SLC35D1: variants seen among roughly 807,000 people sequenced by gnomAD.
SLC35D1 encodes the protein nucleotide sugar transporter SLC35D1.
Under a neutral mutation model 46.7 loss-of-function variants are expected in SLC35D1, and 31 were observed. The observed-to-expected ratio is 0.66, with a 90% CI of 0.50 to 0.90. SLC35D1 has a LOEUF of 0.90. SLC35D1 is among the 40% of genes least tolerant of loss of function. The pLI is 0.00. For synonymous variants in SLC35D1, 195 were observed against 164.6 expected, an observed-to-expected ratio of 1.18 and a Z score of -1.41; for missense variants, 397 against 426.2, an observed-to-expected ratio of 0.93 and a Z score of 0.60.
At chr1:66,994,921 G>GAA (rs61387414), downstream of SLC35D1, among the ~76,000 whole-genome samples, 132 of 96,514 alleles carry the variant, frequency 1.4e-3, 2 homozygotes, top group East Asian at 0.034. Flanking sequence ...GGCAAAAAAA[G>GAA]AAAAAAAAAA....
At chr1:67,049,962 T>C in intron 5 of SLC35D1, 112 bp from the exon 6 acceptor site, 1 of 806,402 alleles carries the variant, frequency 1.2e-6, no homozygotes, top group South Asian at 1.6e-5. Context: ...AATCGTATTT[T>C]AAACATTTCT....
At chr1:67,005,237 G>A (rs1667422831) in intron 11 of SLC35D1, among the ~76,000 whole-genome samples, 1 of 152,144 alleles carries the variant, frequency 6.6e-6, no homozygotes, top group African/African-American at 2.4e-5. Flanking sequence ...CAGCCAGCTG[G>A]ATGCCTGACC....
At chr1:66,991,804 T>TA in the SLC35D1 span, among the ~76,000 whole-genome samples, 11 of 143,618 alleles carry the variant, frequency 7.7e-5, no homozygotes, top group African/African-American at 2.9e-4. Context: ...CTTTTTTTTT[T>TA]ATATCATACC....
At chr1:66,991,943 C>G in the SLC35D1 span, among the ~76,000 whole-genome samples, 1 of 152,072 alleles carries the variant, frequency 6.6e-6, no homozygotes, top group Non-Finnish European at 1.5e-5. Context: ...AAGGATGATA[C>G]CAATGTGCCA....
At chr1:66,974,386 G>A in the SLC35D1 span, among the ~76,000 whole-genome samples, 1 of 151,496 alleles carries the variant, frequency 6.6e-6, no homozygotes, top group African/African-American at 2.4e-5. Context: ...AAAAAAGTTC[G>A]TTGTTTCATG....
chr1:67,006,453 T>C (rs888573259), intron 11 of SLC35D1, among the ~76,000 whole-genome samples: 25 of 149,188 alleles, frequency 1.7e-4, no homozygotes, highest in African/African-American at 6.0e-4. Context: ...CTACCTCTCC[T>C]TTCTTTCATC....
chr1:67,053,192 G>C (rs1402273267), intron 1 of SLC35D1, among the ~76,000 whole-genome samples: 1 of 152,014 alleles, frequency 6.6e-6, no homozygotes, highest in Non-Finnish European at 1.5e-5. Flanking sequence ...TCGGGCGGCC[G>C]CTTGTCCCAT....
At chr1:66,973,025 A>G in the SLC35D1 span, 1 of 1,160,634 alleles carries the variant, frequency 8.6e-7, no homozygotes, top group Non-Finnish European at 1.3e-6. Context: ...TGCAAAAAGA[A>G]ATTTAGTTGA....
At chr1:67,051,373 C>CAT in intron 4 of SLC35D1, among the ~76,000 whole-genome samples, 1 of 152,136 alleles carries the variant, frequency 6.6e-6, no homozygotes, top group Non-Finnish European at 1.5e-5. Flanking sequence ...CTATTTGTGT[C>CAT]ATTTTAATAC....
chr1:66,989,463 A>AAAC, the SLC35D1 span, among the ~76,000 whole-genome samples: 1 of 152,196 alleles, frequency 6.6e-6, no homozygotes, highest in African/African-American at 2.4e-5. Flanking sequence ...AGGAATATAT[A>AAAC]AACTTCTAAA....
At chr1:66,992,277 A>C in the SLC35D1 span, among the ~76,000 whole-genome samples, 1 of 152,216 alleles carries the variant, frequency 6.6e-6, no homozygotes, top group Non-Finnish European at 1.5e-5. Flanking sequence ...GCTGGTGCTC[A>C]CTTGGCAGCT....
the SLC35D1 span, chr1:66,976,524 C>T: frequency 6.9e-7 from 1 of 1,452,804 alleles, no homozygotes; most frequent in South Asian, 1.4e-5. Flanking sequence ...TATTTTCAAA[C>T]TTCAGATGTT....
chr1:66,983,853 G>A, the SLC35D1 span, among the ~76,000 whole-genome samples: 2 of 152,126 alleles, frequency 1.3e-5, no homozygotes, highest in East Asian at 1.9e-4. Flanking sequence ...TCAGCCTTCC[G>A]AGTAGCTGGG....
Position 67,054,033 on chromosome 1 carries a change from G to A in SLC35D1, c.-20C>T, listed in dbSNP as rs1437759867. The A allele has an allele frequency of 6.2e-7, 1 of 1,603,784 alleles. No individual in the cohort carries two copies. Among genetic ancestry groups the A allele is most frequent in the Non-Finnish European group, 8.5e-7 (1 of 1,175,454 alleles). Reference sequence around the variant, plus strand: ...CGCCATGGCTGCCGCAGCAGCGGTGGCCTGGCGGCGGGGCCTAGCGGCTCG... The same window carrying A: ...CGCCATGGCTGCCGCAGCAGCGGTGACCTGGCGGCGGGGCCTAGCGGCTCG... On this transcript the variant is annotated 5_prime_UTR_variant, in exon 1 of 12. Coordinates refer to ENST00000235345, the MANE Select transcript of SLC35D1 (RefSeq NM_015139.3).
chr1:66,991,412 A>T, the SLC35D1 span, among the ~76,000 whole-genome samples: 2 of 152,216 alleles, frequency 1.3e-5, no homozygotes, highest in Non-Finnish European at 2.9e-5. Flanking sequence ...ACAGAGAGTC[A>T]CAGTCCCATT....
At chr1:66,985,957 T>C in the SLC35D1 span, 1 of 985,282 alleles carries the variant, frequency 1.0e-6, no homozygotes, top group Non-Finnish European at 1.2e-6. Context: ...GACAAAAGTT[T>C]AATGTCAGCT....
chr1:67,050,726 A>T (rs1645300577), intron 4 of SLC35D1, among the ~76,000 whole-genome samples: 1 of 152,200 alleles, frequency 6.6e-6, no homozygotes, highest in Non-Finnish European at 1.5e-5. Context: ...CATTAAATTA[A>T]CTACAAAACT....
the SLC35D1 span, chr1:66,984,894 T>C: frequency 6.3e-7 from 1 of 1,583,400 alleles, no homozygotes; most frequent in Non-Finnish European, 8.5e-7. Context: ...AAAACACAGA[T>C]GACTAAATTT....
Position 67,047,378 on chromosome 1 carries a change from T to C in SLC35D1, c.534-11A>G, listed in dbSNP as rs769247283. The stretch of plus-strand genomic sequence containing the variant: ...AATGCCAAGTCAGAGCTGCAAAACA[T>C]AAGCAACACTTTAAGAACAACTTAA... On this transcript the variant is annotated splice_polypyrimidine_tract_variant and intron_variant, in intron 6 of 11. Transcript: ENST00000235345. 8 of 1,602,336 alleles carry C rather than the reference T, an allele frequency of 5.0e-6. No homozygotes were observed. In the Admixed American group the frequency reaches 5.0e-5, roughly 10 times the overall value.
Sources: gnomAD v4.1 joint callset for allele counts (sites outside exome capture counted in the v4.1 genomes callset) on GRCh38, gnomAD v4.1.1 for gene constraint, MANE v1.5 for transcripts, NCBI Gene and HGNC (gene_info 2026-07-23, HGNC 2026-07-21) for gene names.